LSM4: variants seen among roughly 807,000 people sequenced by gnomAD.
LSM4 encodes U6 snRNA-associated Sm-like protein LSm4.
LSM4 carries 15 observed loss-of-function variants against 22.3 expected under a neutral mutation model. The observed-to-expected ratio is 0.67, with a 90% confidence interval of 0.45 to 1.03. The LOEUF (loss-of-function observed/expected upper bound fraction) is 1.03, where lower values mean the gene tolerates loss of function less well. LSM4 is among the 50% of genes least tolerant of loss of function. The pLI is 0.00. For missense variants in LSM4, 127 were observed against 198.0 expected (o/e 0.64, Z 2.15); for synonymous variants, 90 against 79.8 (o/e 1.13, Z -0.68).
chr19:18,319,259 AAAAAC>A (rs200137986), intron 1 of LSM4, among the ~76,000 whole-genome samples: 2,676 of 149,896 alleles, frequency 0.018, 89 homozygotes, highest in African/African-American at 0.062. Flanking sequence ...CAAAAAACAA[AAAAAC>A]AAAACAAAAG....
chr19:18,318,870 C>A (rs1279245389), intron 1 of LSM4, among the ~76,000 whole-genome samples: 1 of 152,258 alleles, frequency 6.6e-6, no homozygotes, highest in Non-Finnish European at 1.5e-5. Context: ...AATAGCACAG[C>A]CTGGGAGGAC....
At chr19:18,316,151 TGGTGC>T in intron 1 of LSM4, 86 bp from the exon 2 acceptor site, 1 of 1,284,206 alleles carries the variant, frequency 7.8e-7, no homozygotes, top group Non-Finnish European at 1.1e-6. Flanking sequence ...GACTCATAGA[TGGTGC>T]GGTGCGGTTG....
In LSM4 at chr19:18,309,867, GAGA is replaced by G; in HGVS notation, c.145-9_145-7del. ...CGCCAGAACTTGTCCCCGTCCTGCG[GAGA>G]AGGGGAGCAGGTTATTAACTTACCA... On this transcript the variant is annotated splice_polypyrimidine_tract_variant and splice_region_variant and intron_variant, in intron 3 of 4. Coordinates refer to ENST00000593829, the MANE Select transcript of LSM4 (RefSeq NM_012321.5). The G allele has an allele frequency of 6.2e-7, 1 of 1,612,648 alleles. No individual in the cohort carries two copies. Among genetic ancestry groups the G allele is most frequent in the Non-Finnish European group, 8.5e-7 (1 of 1,179,570 alleles).
chr19:18,323,015 C>A lies in LSM4; in HGVS notation c.3+3G>T. The A allele has an allele frequency of 6.3e-7, 1 of 1,576,956 alleles. No individual in the cohort carries two copies. ...TGAGACCCCGCAGTTGCCCTGCCCT[C>A]ACCATGGTGCCGGCGGGGACCGGGC... is the stretch of plus-strand genomic sequence containing the variant. On this transcript the variant is annotated splice_donor_region_variant and intron_variant, in intron 1 of 4. Coordinates refer to ENST00000593829, the MANE Select transcript of LSM4 (RefSeq NM_012321.5).
In LSM4 at chr19:18,316,005, C is replaced by CA; in HGVS notation, c.45+18dup. The CA allele has an allele frequency of 6.2e-7, 1 of 1,612,092 alleles. No homozygotes were observed. The highest frequency in any genetic ancestry group is 2.2e-5 in the East Asian group (1 of 44,786). On this transcript the variant is annotated intron_variant, in intron 2 of 4. Transcript: ENST00000593829. ...TGGCCCCCTCTCAAACAGGCTTTCCCAGACCACTGAGTACTCACCATGGGG... is the reference window on the plus strand; with the variant it reads ...TGGCCCCCTCTCAAACAGGCTTTCCCAAGACCACTGAGTACTCACCATGGGG...
intron 3 of LSM4, among the ~76,000 whole-genome samples, chr19:18,311,168 C>T (rs1568297557): frequency 6.6e-6 from 1 of 152,144 alleles, no homozygotes; most frequent in Non-Finnish European, 1.5e-5. Flanking sequence ...CCAGCTCTCC[C>T]AGGCAGGGCC....
intron 1 of LSM4, among the ~76,000 whole-genome samples, chr19:18,316,722 G>A (rs1361074411): frequency 6.6e-6 from 1 of 152,080 alleles, no homozygotes; most frequent in East Asian, 1.9e-4. Flanking sequence ...TGAGTATGGA[G>A]TTGAGGACAC....
chr19:18,322,385 G>A (rs1440588985), intron 1 of LSM4, among the ~76,000 whole-genome samples: 1 of 152,110 alleles, frequency 6.6e-6, no homozygotes, highest in African/African-American at 2.4e-5. Context: ...GCCCTGCAGA[G>A]ACCTGGGCCG....
chr19:18,318,580 G>A lies in LSM4; in HGVS notation c.4-2515C>T, dbSNP rs1308878965. On this transcript the variant is annotated intron_variant, in intron 1 of 4. Coordinates refer to ENST00000593829, the MANE Select transcript of LSM4 (RefSeq NM_012321.5). ...GGTCGCCCTTTACTGTGAAGAAGCC[G>A]TGGGTTTTCCTCAGCAAGCCTGTTT... Among the ~76,000 whole-genome samples, 2 of 152,376 alleles carry A rather than the reference G, an allele frequency of 1.3e-5. 1 individual carries two copies. Among genetic ancestry groups the A allele is most frequent in the South Asian group, 4.1e-4 (2 of 4,830 alleles).
Position 18,306,721 on chromosome 19 carries a change from C to T in LSM4, c.*743G>A, listed in dbSNP as rs1476373486. 6.6e-6 allele frequency: 1 copy of T among 152,246 alleles called. No homozygotes were observed. The highest frequency in any genetic ancestry group is 1.5e-5 in the Non-Finnish European group (1 of 68,068). 9.4% of individuals were successfully genotyped at this position (152,246 alleles called of 1,614,324 possible). A position where few individuals can be genotyped will look rare whatever the true frequency, so the allele number is the denominator to read the frequency against. ...GGCGCCGGGGACTCTCAAGAGCCCC[C>T]ACTGTCCAGATGCTGGTCTTGCCTT... is the stretch of plus-strand genomic sequence containing the variant. On this transcript the variant is annotated 3_prime_UTR_variant, in exon 5 of 5. Transcript: ENST00000593829.
intron 1 of LSM4, among the ~76,000 whole-genome samples, chr19:18,317,364 G>A (rs1002907359): frequency 1.5e-5 from 2 of 137,918 alleles, no homozygotes; most frequent in African/African-American, 5.5e-5. Flanking sequence ...ACGGAGTCTC[G>A]CTCTGTCGCC....
chr19:18,312,295 G>C, intron 3 of LSM4: 2 of 322,198 alleles, frequency 6.2e-6, no homozygotes, highest in South Asian at 7.1e-5. Context: ...CGGGAGTCTT[G>C]GGCCTCCCCT....
chr19:18,319,562 AAACAAC>A lies in LSM4; in HGVS notation c.3+3450_3+3455del, dbSNP rs141901547. 1.6e-4 allele frequency among the ~76,000 whole-genome samples: 25 copies of A among 152,202 alleles called. No individual in the cohort carries two copies. In the South Asian group the frequency reaches 4.3e-3, roughly 26 times the overall value. The stretch of plus-strand genomic sequence containing the variant: ...GGGTGACAGTGACACTTCATCTCAA[AAACAAC>A]AACAACAACAACAAAAAACCCAAAT... On this transcript the variant is annotated intron_variant, in intron 1 of 4. Transcript: ENST00000593829.
intron 4 of LSM4, chr19:18,309,384 C>T (rs1288722913): frequency 7.1e-6 from 3 of 424,264 alleles, no homozygotes; most frequent in Non-Finnish European, 1.3e-5. Flanking sequence ...AGTGGAGTTG[C>T]CAGCGGCCTG....
At chr19:18,318,558 C>T (rs1335147332) in intron 1 of LSM4, among the ~76,000 whole-genome samples, 7 of 152,218 alleles carry the variant, frequency 4.6e-5, no homozygotes, top group Non-Finnish European at 7.3e-5. Context: ...ATGCCCAGGT[C>T]GCCCTTTACT....
chr19:18,316,975 C>T (rs1351813060), intron 1 of LSM4, among the ~76,000 whole-genome samples: 5 of 152,062 alleles, frequency 3.3e-5, no homozygotes, highest in African/African-American at 1.2e-4. Context: ...CAAAACTTTG[C>T]TGGGCACGGT....
At chr19:18,316,989 G>A (rs1241444544) in intron 1 of LSM4, among the ~76,000 whole-genome samples, 1 of 152,058 alleles carries the variant, frequency 6.6e-6, no homozygotes, top group East Asian at 2.0e-4. Context: ...GCACGGTGGT[G>A]CGCATCTGTA....
chr19:18,314,702 CAG>C (rs541895806), intron 2 of LSM4, among the ~76,000 whole-genome samples: 56 of 152,204 alleles, frequency 3.7e-4, no homozygotes, highest in African/African-American at 1.2e-3. Flanking sequence ...GGCAACCCCA[CAG>C]AGACGGCAGC....
Position 18,315,792 on chromosome 19 carries a change from G to T in LSM4, c.45+232C>A, listed in dbSNP as rs1421510639. On this transcript the variant is annotated intron_variant, in intron 2 of 4. Transcript: ENST00000593829. ...CTGTCTTGGCCTCCCAAAGTGCTGGGATTACAGGCGCGAGCCACTGCAACT... is the reference window on the plus strand; with the variant it reads ...CTGTCTTGGCCTCCCAAAGTGCTGGTATTACAGGCGCGAGCCACTGCAACT... Among the ~76,000 whole-genome samples, 6 of 152,112 alleles carry T rather than the reference G, an allele frequency of 3.9e-5. No individual in the cohort carries two copies. The East Asian group carries it at 1.2e-3, about 29-fold the overall frequency.
Sources: gnomAD v4.1 joint callset for allele counts (sites outside exome capture counted in the v4.1 genomes callset) on GRCh38, gnomAD v4.1.1 for gene constraint, MANE v1.5 for transcripts, NCBI Gene and HGNC (gene_info 2026-07-23, HGNC 2026-07-21) for gene names.